Variants in ASTN2 observed in about 807,000 individuals in gnomAD.
The protein encoded by ASTN2 is astrotactin-2.
Under a neutral mutation model 139.8 loss-of-function variants are expected in ASTN2, and 54 were observed. That is an observed-to-expected ratio of 0.39 (90% confidence interval 0.31 to 0.48). The LOEUF is 0.48. ASTN2 is among the 20% of genes least tolerant of loss of function. The pLI is 0.95. For missense variants in ASTN2, 1,565 were observed against 1,725.1 expected (o/e 0.91, Z 1.64); for synonymous variants, 756 against 719.5 (o/e 1.05, Z -0.81).
At chr9:116,696,428 G>GT (rs1860856711) in intron 16 of ASTN2, among the ~76,000 whole-genome samples, 1 of 152,166 alleles carries the variant, frequency 6.6e-6, no homozygotes, top group East Asian at 1.9e-4. Flanking sequence ...AATGCATAGA[G>GT]TTTAAGTATT....
chr9:116,854,649 CTCTT>C (rs1431278836), intron 11 of ASTN2, among the ~76,000 whole-genome samples: 33 of 132,754 alleles, frequency 2.5e-4, no homozygotes, highest in African/African-American at 9.2e-4. Context: ...GCTTCCTTCT[CTCTT>C]TTTTTTTTTT....
At chr9:116,535,009 G>A (rs1440502480) in intron 19 of ASTN2, among the ~76,000 whole-genome samples, 1 of 152,130 alleles carries the variant, frequency 6.6e-6, no homozygotes, top group African/African-American at 2.4e-5. Flanking sequence ...TCTCTTTGTA[G>A]GTCTCTAAGG....
At chr9:116,513,571 TCTGGATATTATC>T (rs1850501474) in intron 19 of ASTN2, among the ~76,000 whole-genome samples, 1 of 152,202 alleles carries the variant, frequency 6.6e-6, no homozygotes, top group South Asian at 2.1e-4. Flanking sequence ...GGGAAGCTCT[TCTGGATATTATC>T]CTGCAGAGTG....
intron 19 of ASTN2, among the ~76,000 whole-genome samples, chr9:116,532,367 T>G (rs1191409958): frequency 2.0e-5 from 3 of 152,242 alleles, no homozygotes; most frequent in African/African-American, 4.8e-5. Flanking sequence ...TTGGTTTAAT[T>G]AGATCCCATT....
intron 13 of ASTN2, 60 bp downstream of exon 13, chr9:116,805,572 C>T (rs1273200425): frequency 2.6e-6 from 4 of 1,537,942 alleles, no homozygotes; most frequent in Non-Finnish European, 3.6e-6. Context: ...GGCTTCCTCC[C>T]TGTGCCCAGG....
At chr9:116,614,168 A>T (rs1338150317) in intron 19 of ASTN2, among the ~76,000 whole-genome samples, 1 of 152,192 alleles carries the variant, frequency 6.6e-6, no homozygotes, top group Non-Finnish European at 1.5e-5. Flanking sequence ...CTTACAAGGG[A>T]TGTGAAGGAC....
chr9:116,552,008 TACATACACATATACATATACATAC>T (rs1362151324), intron 19 of ASTN2: 1 of 108,484 alleles, frequency 9.2e-6, no homozygotes, highest in East Asian at 2.0e-4. Flanking sequence ...CATATACATA[TACATACACATATACATATACATAC>T]ACATATACAT....
intron 2 of ASTN2, among the ~76,000 whole-genome samples, chr9:117,239,847 A>G (rs565187283): frequency 6.6e-6 from 1 of 152,294 alleles, no homozygotes; most frequent in East Asian, 1.9e-4. Flanking sequence ...CTCTAAACAT[A>G]AAGAAAGCAT....
At chr9:116,653,662 C>T (rs1033682973) in intron 16 of ASTN2, among the ~76,000 whole-genome samples, 2 of 152,136 alleles carry the variant, frequency 1.3e-5, no homozygotes, top group Admixed American at 1.3e-4. Context: ...GCCCTGATGT[C>T]GGGGAGAAAA....
At chr9:116,861,985 T>A (rs1425950147) in intron 11 of ASTN2, among the ~76,000 whole-genome samples, 1 of 151,612 alleles carries the variant, frequency 6.6e-6, no homozygotes, top group East Asian at 1.9e-4. Flanking sequence ...TTTTTTTTTT[T>A]TTTTTGCCTA....
intron 20 of ASTN2, among the ~76,000 whole-genome samples, chr9:116,482,322 T>C (rs1346563892): frequency 6.6e-6 from 1 of 152,048 alleles, no homozygotes; most frequent in Non-Finnish European, 1.5e-5. Context: ...CAAGACTCCG[T>C]CTCAAAACAA....
intron 6 of ASTN2, among the ~76,000 whole-genome samples, chr9:117,035,301 G>A (rs544178240): frequency 4.5e-4 from 69 of 152,244 alleles, no homozygotes; most frequent in South Asian, 1.9e-3. Flanking sequence ...TAAGGGGCCA[G>A]TATTATGATG....
chr9:117,021,588 T>C (rs1037941205), intron 6 of ASTN2, among the ~76,000 whole-genome samples: 12 of 152,196 alleles, frequency 7.9e-5, no homozygotes, highest in Non-Finnish European at 1.6e-4. Flanking sequence ...TCTTTCTGTT[T>C]TTTATAAACA....
At chr9:116,780,713 T>C (rs1830195898) in intron 13 of ASTN2, among the ~76,000 whole-genome samples, 1 of 152,158 alleles carries the variant, frequency 6.6e-6, no homozygotes, top group South Asian at 2.1e-4. Context: ...TTCATTTCCA[T>C]TTCCCCCTAC....
chr9:116,534,764 G>T (rs1851534801), intron 19 of ASTN2, among the ~76,000 whole-genome samples: 1 of 152,180 alleles, frequency 6.6e-6, no homozygotes. Flanking sequence ...ATTTGCTGAG[G>T]AGTGCTTTAC....
intron 6 of ASTN2, among the ~76,000 whole-genome samples, chr9:117,024,146 T>G (rs1429913105): frequency 6.6e-6 from 1 of 152,188 alleles, no homozygotes; most frequent in Non-Finnish European, 1.5e-5. Flanking sequence ...TACCCTTTTA[T>G]GCTCATCTCA....
intron 19 of ASTN2, among the ~76,000 whole-genome samples, chr9:116,517,435 C>T (rs969831475): frequency 1.9e-4 from 29 of 152,160 alleles, no homozygotes; most frequent in African/African-American, 7.0e-4. Context: ...TCTGAGGAAG[C>T]CCCATTCCTA....
At chr9:116,961,136 C>A (rs928515715) in intron 10 of ASTN2, among the ~76,000 whole-genome samples, 7 of 152,020 alleles carry the variant, frequency 4.6e-5, no homozygotes, top group African/African-American at 1.4e-4. Flanking sequence ...TGGCCATGCA[C>A]CCTTCCCCCA....
rs1339418772 is a variant in ASTN2, at chr9:116,683,466, A to C, written c.2807-31673T>G. ...TAGTAGCTATAGACTTTTGTCATCC[A>C]TAGACATTTTGTCTTGCTTTTGTCC... On this transcript the variant is annotated intron_variant, in intron 16 of 22. Coordinates refer to ENST00000313400, the MANE Select transcript of ASTN2 (RefSeq NM_001365068.1). Among the ~76,000 whole-genome samples, 4 of 152,224 alleles carry C rather than the reference A, an allele frequency of 2.6e-5. No homozygotes were observed. In the East Asian group the frequency reaches 7.7e-4, roughly 29 times the overall value.
Sources: allele counts gnomAD v4.1 joint callset (sites outside exome capture counted in the v4.1 genomes callset), GRCh38; gene constraint gnomAD v4.1.1; transcripts MANE v1.5; gene names NCBI Gene and HGNC (gene_info 2026-07-23, HGNC 2026-07-21).